The following ERI1 variants were observed in gnomAD, a reference collection of about 807,000 sequenced individuals.
The protein encoded by ERI1 is 3'-5' exoribonuclease 1.
A neutral mutation model predicts 39.7 loss-of-function variants in ERI1; 39 were observed. The observed-to-expected ratio is 0.98, with a 90% CI of 0.76 to 1.28. The LOEUF is 1.28. Among genes scored for constraint, ERI1 ranks in the 50% most tolerant of loss-of-function variants. The pLI, the probability that ERI1 is intolerant of heterozygous loss-of-function variation, is 0.00. For missense variants in ERI1, 581 were observed against 416.9 expected, an observed-to-expected ratio of 1.39 and a Z score of -3.43; for synonymous variants, 204 against 149.6, an observed-to-expected ratio of 1.36 and a Z score of -2.65.
At chr8:9,052,723 T>G (rs1798399077) in intron 3 of ERI1, among the ~76,000 whole-genome samples, 1 of 152,210 alleles carries the variant, frequency 6.6e-6, no homozygotes, top group African/African-American at 2.4e-5. Flanking sequence ...ATATGTTTGG[T>G]CTTTATCCCT....
chr8:9,064,676 GC>G (rs1163530171), intron 3 of ERI1, among the ~76,000 whole-genome samples: 1 of 152,196 alleles, frequency 6.6e-6, no homozygotes, highest in African/African-American at 2.4e-5. Flanking sequence ...TGTTCCTTGG[GC>G]TGGTGGGTCT....
At position 9,032,326 on chromosome 8, in the gene ERI1, C is replaced by T. The variant is rs1285031021; in HGVS notation, c.*2292C>T. ...AACAATTTATTATTAGCTGTGTTAA[C>T]TTTTATTCTATGCTTCATATGCTCT... On this transcript the variant is annotated 3_prime_UTR_variant, in exon 7 of 7. Transcript: ENST00000250263. The T allele has an allele frequency of 6.6e-6, 1 of 152,112 alleles. No homozygotes were observed. The highest frequency in any genetic ancestry group is 2.1e-4 in the South Asian group (1 of 4,828). The allele number at this position is 152,112 out of a possible 1,614,324, so 9.4% of individuals were successfully genotyped here.
intron 3 of ERI1, among the ~76,000 whole-genome samples, chr8:9,014,504 T>A (rs186892434): frequency 4.2e-4 from 64 of 152,274 alleles, no homozygotes; most frequent in African/African-American, 1.5e-3. Flanking sequence ...GTTCCTTTAG[T>A]TTTAATAACC....
At chr8:9,058,887 T>C (rs1053070049) in intron 3 of ERI1, among the ~76,000 whole-genome samples, 15 of 152,098 alleles carry the variant, frequency 9.9e-5, no homozygotes, top group Non-Finnish European at 2.1e-4. Flanking sequence ...TCTTTGGCCT[T>C]TTTAACCGTC....
intron 3 of ERI1, among the ~76,000 whole-genome samples, chr8:9,096,327 T>A (rs1799876492): frequency 6.6e-6 from 1 of 152,172 alleles, no homozygotes; most frequent in African/African-American, 2.4e-5. Context: ...GCTCCCAGGA[T>A]CTTGGAGGCT....
At chr8:9,020,529 C>T (rs1238834151) in intron 6 of ERI1, 65 bp downstream of exon 6, 10 of 977,356 alleles carry the variant, frequency 1.0e-5, no homozygotes, top group African/African-American at 6.8e-5. Context: ...TTTGCATGTA[C>T]GTTAGATTGT....
intron 3 of ERI1, among the ~76,000 whole-genome samples, chr8:9,063,349 A>G (rs1217313268): frequency 6.6e-6 from 1 of 152,156 alleles, no homozygotes; most frequent in Non-Finnish European, 1.5e-5. Context: ...AACCTTGACT[A>G]TGCCTTTAGC....
At chr8:9,027,542 AATC>A (rs1463607858) in intron 6 of ERI1, among the ~76,000 whole-genome samples, 3 of 152,200 alleles carry the variant, frequency 2.0e-5, no homozygotes, top group Admixed American at 1.3e-4. Flanking sequence ...ACATCCAAGA[AATC>A]ATTGTCCAAT....
chr8:9,039,397 CTT>C (rs1476403934), intron 3 of ERI1, among the ~76,000 whole-genome samples: 2 of 152,094 alleles, frequency 1.3e-5, no homozygotes. Context: ...ATCAGACTGA[CTT>C]TGTCAGAAAA....
rs113058516 is a variant in ERI1 at position 9,011,222 on chromosome 8, G to A, written c.288-320G>A. On this transcript the variant is annotated intron_variant, in intron 2 of 6. Transcript: ENST00000250263. ...ATATGTTATCTTAGTATATAAGGCA[G>A]TATGACGACTGTGTTGGTAGTATAT... is the stretch of plus-strand genomic sequence containing the variant. 8.8e-3 allele frequency among the ~76,000 whole-genome samples: 1,344 copies of A among 152,222 alleles called. 20 individuals carry two copies. Among genetic ancestry groups the A allele is most frequent in the African/African-American group, 0.031 (1,289 of 41,532 alleles).
At chr8:9,011,809 C>T in intron 3 of ERI1, 57 bp downstream of exon 3, 1 of 1,348,728 alleles carries the variant, frequency 7.4e-7, no homozygotes. Flanking sequence ...CTGGTGTTTA[C>T]TGGTTATGTG....
At chr8:9,047,558 G>GTA (rs1798212765) in intron 3 of ERI1, among the ~76,000 whole-genome samples, 1 of 151,848 alleles carries the variant, frequency 6.6e-6, no homozygotes, top group Non-Finnish European at 1.5e-5. Flanking sequence ...TTACACACCT[G>GTA]TACACAGGTG....
chr8:9,051,651 C>G (rs1375535064), intron 3 of ERI1, among the ~76,000 whole-genome samples: 1 of 135,082 alleles, frequency 7.4e-6, no homozygotes, highest in Non-Finnish European at 1.6e-5. Flanking sequence ...CGCTGAGACC[C>G]TGTCTCAAAA....
Position 9,030,051 on chromosome 8 carries a change from G to C in ERI1, c.*17G>C. 1 of 1,610,114 alleles carries C rather than the reference G, an allele frequency of 6.2e-7. No individual in the cohort carries two copies. The stretch of plus-strand genomic sequence containing the variant: ...AGAAAGTAACAACAGTTTTGTGTGT[G>C]GATCATTCCAATTGAAGTTGCTATG... On this transcript the variant is annotated 3_prime_UTR_variant, in exon 7 of 7. Transcript: ENST00000250263.
intron 6 of ERI1, among the ~76,000 whole-genome samples, chr8:9,022,604 T>A (rs1340345907): frequency 1.3e-5 from 2 of 152,116 alleles, no homozygotes; most frequent in Non-Finnish European, 2.9e-5. Context: ...TTCGCCATGT[T>A]GGTGAGGCTG....
At chr8:9,093,029 G>T (rs924541509) in intron 3 of ERI1, among the ~76,000 whole-genome samples, 1 of 152,208 alleles carries the variant, frequency 6.6e-6, no homozygotes, top group East Asian at 1.9e-4. Context: ...CCCCGTGTGA[G>T]TATGTCTGTC....
At chr8:9,073,386 A>G (rs1020271372) in intron 3 of ERI1, among the ~76,000 whole-genome samples, 1 of 152,186 alleles carries the variant, frequency 6.6e-6, no homozygotes, top group African/African-American at 2.4e-5. Context: ...TACTTCCAAG[A>G]AGGGTAAGCG....
intron 3 of ERI1, among the ~76,000 whole-genome samples, chr8:9,049,244 G>C (rs1798275331): frequency 1.4e-5 from 2 of 147,864 alleles, no homozygotes; most frequent in Non-Finnish European, 3.0e-5. Context: ...ACTGAGGCAG[G>C]AGAATCGCTT....
Position 9,039,803 on chromosome 8 carries a change from GGTA to G in ERI1, n.299+19343_299+19345del, listed in dbSNP as rs1185553374. On this transcript the variant is annotated intron_variant and non_coding_transcript_variant, in intron 3 of 3. Transcript: ENST00000518663. ...GAACCTAATTTATTTTCTGTTAAGAGGTAGTAAATATTTCCCATTTCATAAGAT... is the reference window on the plus strand; with the variant it reads ...GAACCTAATTTATTTTCTGTTAAGAGGTAAATATTTCCCATTTCATAAGAT... Among the ~76,000 whole-genome samples the G allele has an allele frequency of 2.0e-5, 3 of 152,100 alleles. No individual in the cohort carries two copies. The East Asian group carries it at 5.8e-4, about 29-fold the overall frequency.
Sources: gnomAD v4.1 joint callset for allele counts (sites outside exome capture counted in the v4.1 genomes callset) on GRCh38, gnomAD v4.1.1 for gene constraint, MANE v1.5 for transcripts, NCBI Gene and HGNC (gene_info 2026-07-23, HGNC 2026-07-21) for gene names.